GALNT2: variants seen among roughly 807,000 people sequenced by gnomAD.
GALNT2 encodes the protein polypeptide N-acetylgalactosaminyltransferase 2.
A neutral mutation model predicts 81.4 loss-of-function variants in GALNT2; 31 were observed. The ratio of observed to expected loss-of-function variants is 0.38; its 90% confidence interval spans 0.29 to 0.51. The LOEUF is 0.51. Ranked by LOEUF, GALNT2 falls within the 20% of genes least tolerant of loss-of-function variation. The pLI is 0.87. For synonymous variants in GALNT2, 303 were observed against 287.4 expected (o/e 1.05, Z -0.55); for missense variants, 629 against 765.7 (o/e 0.82, Z 2.11).
intron 2 of GALNT2, among the ~76,000 whole-genome samples, chr1:230,197,073 A>G (rs141571923): frequency 1.2e-3 from 175 of 152,082 alleles, no homozygotes; most frequent in African/African-American, 4.0e-3. Context: ...TTCAAGCACT[A>G]ACACCCCTGG....
intron 1 of GALNT2, among the ~76,000 whole-genome samples, chr1:230,094,603 A>C (rs911673964): frequency 2.0e-5 from 3 of 152,176 alleles, no homozygotes; most frequent in Non-Finnish European, 4.4e-5. Flanking sequence ...GCATCACTGC[A>C]CTCCAGCCTG....
chr1:230,088,920 CAGT>C (rs1659977071), intron 1 of GALNT2, among the ~76,000 whole-genome samples: 1 of 152,140 alleles, frequency 6.6e-6, no homozygotes, highest in South Asian at 2.1e-4. Context: ...CTCATCTCCC[CAGT>C]CCCTGGCAAC....
chr1:230,143,728 G>A (rs1218360769), intron 1 of GALNT2, among the ~76,000 whole-genome samples: 1 of 152,198 alleles, frequency 6.6e-6, no homozygotes, highest in Non-Finnish European at 1.5e-5. Context: ...TAACTGAAAG[G>A]GTATTGTGCT....
chr1:230,091,081 T>TC lies in GALNT2; in HGVS notation c.126+23675_126+23676insC, dbSNP rs1184246167. Among the ~76,000 whole-genome samples the TC allele has an allele frequency of 2.2e-4, 33 of 150,356 alleles. No individual in the cohort carries two copies. In the East Asian group the frequency reaches 3.5e-3, roughly 16 times the overall value. On this transcript the variant is annotated intron_variant, in intron 1 of 15. Coordinates refer to ENST00000366672, the MANE Select transcript of GALNT2 (RefSeq NM_004481.5). ...TTCTTTTGTTTGTTTCTTTCTTTCTTTTTTTTTTTGAGACGGAATCTCTGT... is the reference window on the plus strand; with the variant it reads ...TTCTTTTGTTTGTTTCTTTCTTTCTTCTTTTTTTTTGAGACGGAATCTCTGT...
chr1:230,138,524 C>CAAAA (rs35938447), intron 1 of GALNT2, among the ~76,000 whole-genome samples: 1 of 75,896 alleles, frequency 1.3e-5, no homozygotes. Flanking sequence ...GACTCTGTCT[C>CAAAA]AAAAAAAAAA....
chr1:230,065,955 T>C (rs1307564486), upstream of GALNT2, among the ~76,000 whole-genome samples: 4 of 152,228 alleles, frequency 2.6e-5, no homozygotes, highest in East Asian at 5.8e-4. Flanking sequence ...CAGTTTTTAG[T>C]TCTTGGTGTT....
At position 230,257,293 on chromosome 1, in the gene GALNT2, G is replaced by A. The variant is rs1014824343; in HGVS notation, c.1136+1949G>A. On this transcript the variant is annotated intron_variant, in intron 11 of 15. Coordinates refer to ENST00000366672, the MANE Select transcript of GALNT2 (RefSeq NM_004481.5). This position sits in a 1 kb window ranked among gnomAD's most constrained non-coding sequence, Gnocchi z 4.6. ...CCTATGGTGAAACAATGGTACGAGT[G>A]CCCCCTCCACTCTTGGAGCCAGAAG... 9.9e-5 allele frequency among the ~76,000 whole-genome samples: 15 copies of A among 152,182 alleles called. No individual in the cohort carries two copies. Among genetic ancestry groups the A allele is most frequent in the Admixed American group, 9.2e-4 (14 of 15,278 alleles).
rs1261683494 is a variant in GALNT2, at chr1:230,083,068, G to GCCGGGATGATGGAGCAGGGAAC, written c.126+15683_126+15684insCCCGGGATGATGGAGCAGGGAA. Among the ~76,000 whole-genome samples, 343 of 149,652 alleles carry GCCGGGATGATGGAGCAGGGAAC rather than the reference G, an allele frequency of 2.3e-3. 3 individuals carry two copies. Among genetic ancestry groups the GCCGGGATGATGGAGCAGGGAAC allele is most frequent in the African/African-American group, 8.0e-3 (323 of 40,558 alleles). ...GAAGCTGGGATGATGGAGCAGGGAA[G>GCCGGGATGATGGAGCAGGGAAC]CCGGGATGATGGAGCAGGGAAGCCG... On this transcript the variant is annotated intron_variant, in intron 1 of 15. Coordinates refer to ENST00000366672, the MANE Select transcript of GALNT2 (RefSeq NM_004481.5).
chr1:230,116,107 C>G (rs1038010716), intron 1 of GALNT2, among the ~76,000 whole-genome samples: 7 of 152,236 alleles, frequency 4.6e-5, no homozygotes, highest in Non-Finnish European at 8.8e-5. Flanking sequence ...TTGATCTTTT[C>G]TGTGAATCAC....
chr1:230,263,795 A>G (rs560404693), intron 13 of GALNT2: 4 of 152,356 alleles, frequency 2.6e-5, no homozygotes, highest in East Asian at 1.9e-4. Context: ...AGCGGCTCAC[A>G]TATCTCCAGC....
At chr1:230,071,069 A>T (rs1057349546) in intron 1 of GALNT2, among the ~76,000 whole-genome samples, 2 of 152,190 alleles carry the variant, frequency 1.3e-5, no homozygotes, top group African/African-American at 4.8e-5. Flanking sequence ...GTGGGTGCTG[A>T]ATAACTGCTA....
At chr1:230,224,991 T>C in intron 3 of GALNT2, among the ~76,000 whole-genome samples, 1 of 152,362 alleles carries the variant, frequency 6.6e-6, no homozygotes, top group South Asian at 2.1e-4. Flanking sequence ...AATTCAAATC[T>C]CCTGTTGACC....
chr1:230,131,260 G>C (rs1661359386), intron 1 of GALNT2, among the ~76,000 whole-genome samples: 1 of 152,060 alleles, frequency 6.6e-6, no homozygotes, highest in African/African-American at 2.4e-5. Context: ...ACACAACTCT[G>C]ACCGCCAGTT....
chr1:230,136,230 T>C (rs7528661), intron 1 of GALNT2, among the ~76,000 whole-genome samples: 152,049 of 152,190 alleles, frequency 1, 75,954 homozygotes, highest in Middle Eastern at 1. Context: ...CAGGTAACTA[T>C]GATCGAACCT....
chr1:230,148,898 C>T (rs933147957), intron 1 of GALNT2, among the ~76,000 whole-genome samples: 4 of 150,770 alleles, frequency 2.7e-5, no homozygotes, highest in Non-Finnish European at 4.4e-5. Flanking sequence ...CACTCCTCCC[C>T]ACCTTTTTTT....
chr1:230,060,078 C>T (rs1659008784), intron 1 of GALNT2, among the ~76,000 whole-genome samples: 1 of 152,148 alleles, frequency 6.6e-6, no homozygotes, highest in Non-Finnish European at 1.5e-5. Flanking sequence ...GGCTTTATTG[C>T]ATTTAGATAT....
intron 1 of GALNT2, among the ~76,000 whole-genome samples, chr1:230,160,134 G>A (rs905539241): frequency 6.6e-6 from 1 of 152,162 alleles, no homozygotes; most frequent in African/African-American, 2.4e-5. Flanking sequence ...CTTCCATGAA[G>A]TGCTTCTCCA....
rs1423259887 is a variant in GALNT2, at chr1:230,279,161, C to G, written c.1561-142C>G. On this transcript the variant is annotated intron_variant, in intron 15 of 15. Coordinates refer to ENST00000366672, the MANE Select transcript of GALNT2 (RefSeq NM_004481.5). This position sits in a 1 kb window ranked among gnomAD's most constrained non-coding sequence, Gnocchi z 4.6. ...TTTCCTGTGGGGCTGCTGCAAGCTC[C>G]TCGGCCGTTCAGATGAGAGGCTGGG... is the stretch of plus-strand genomic sequence containing the variant. 2 of 859,530 alleles carry G rather than the reference C, an allele frequency of 2.3e-6. No individual in the cohort carries two copies. Among genetic ancestry groups the G allele is most frequent in the African/African-American group, 1.7e-5 (1 of 57,338 alleles). The allele number at this position is 859,530 out of a possible 1,614,324, so 53.2% of individuals were successfully genotyped here. A position where few individuals can be genotyped will look rare whatever the true frequency, so the allele number is the denominator to read the frequency against.
At chr1:230,268,124 C>T (rs1666080335) in intron 14 of GALNT2, among the ~76,000 whole-genome samples, 1 of 152,104 alleles carries the variant, frequency 6.6e-6, no homozygotes, top group South Asian at 2.1e-4. Context: ...ACCGAAATGC[C>T]CTCAGAAAAG....
Sources: allele counts gnomAD v4.1 joint callset (sites outside exome capture counted in the v4.1 genomes callset), GRCh38; gene constraint gnomAD v4.1.1; non-coding constraint Gnocchi (gnomAD v3.1); transcripts MANE v1.5; gene names NCBI Gene and HGNC (gene_info 2026-07-23, HGNC 2026-07-21).